The following CNTN3 variants were observed in gnomAD, a reference collection of about 807,000 sequenced individuals.
CNTN3 encodes contactin 3.
CNTN3 carries 60 observed loss-of-function variants against 119.1 expected under a neutral mutation model. The observed-to-expected ratio is 0.50, with a 90% CI of 0.41 to 0.62. The LOEUF (loss-of-function observed/expected upper bound fraction) is 0.62, where lower values mean the gene tolerates loss of function less well. Among genes scored for constraint, CNTN3 ranks in the 20% least tolerant of loss-of-function variants. The pLI is 0.00. For synonymous variants in CNTN3, 450 were observed against 438.7 expected, an observed-to-expected ratio of 1.03 and a Z score of -0.32; for missense variants, 1,101 against 1,242.4, an observed-to-expected ratio of 0.89 and a Z score of 1.71.
At chr3:74,280,538 T>C (rs1270205884) in intron 20 of CNTN3, among the ~76,000 whole-genome samples, 1 of 152,160 alleles carries the variant, frequency 6.6e-6, no homozygotes, top group Non-Finnish European at 1.5e-5. Flanking sequence ...CCTTTCCCAG[T>C]GTGACTGGCC....
At chr3:74,307,148 T>A (rs563955208) in intron 13 of CNTN3, among the ~76,000 whole-genome samples, 7 of 152,218 alleles carry the variant, frequency 4.6e-5, no homozygotes, top group Non-Finnish European at 5.9e-5. Flanking sequence ...TTTATTTGAG[T>A]AACTCAAGAA....
chr3:74,297,184 T>C (rs1449579080), intron 18 of CNTN3, among the ~76,000 whole-genome samples: 2 of 152,162 alleles, frequency 1.3e-5, no homozygotes, highest in East Asian at 1.9e-4. Flanking sequence ...TGGGAACCAC[T>C]ATACAACTTA....
intron 1 of CNTN3, among the ~76,000 whole-genome samples, chr3:74,587,406 C>A (rs914516772): frequency 5.9e-5 from 9 of 152,040 alleles, no homozygotes; most frequent in Non-Finnish European, 1.2e-4. Flanking sequence ...AACAACTGCA[C>A]AACTTATCAT....
intron 4 of CNTN3, among the ~76,000 whole-genome samples, chr3:74,467,778 G>T (rs1702491529): frequency 6.6e-6 from 1 of 152,098 alleles, no homozygotes; most frequent in African/African-American, 2.4e-5. Context: ...CTATAGACAA[G>T]AAATTGCTTT....
At chr3:74,291,105 T>C (rs1702222611) in intron 19 of CNTN3, among the ~76,000 whole-genome samples, 2 of 151,694 alleles carry the variant, frequency 1.3e-5, no homozygotes, top group African/African-American at 4.8e-5. Flanking sequence ...TGTGTCCAAG[T>C]GTTCTCGTCG....
intron 1 of CNTN3, among the ~76,000 whole-genome samples, chr3:74,550,271 A>G (rs1321858360): frequency 6.6e-6 from 1 of 152,228 alleles, no homozygotes; most frequent in Non-Finnish European, 1.5e-5. Flanking sequence ...AAGGAGCCCA[A>G]GGGAAGAATA....
At chr3:74,341,921 C>A (rs1024586434) in intron 11 of CNTN3, among the ~76,000 whole-genome samples, 1 of 152,066 alleles carries the variant, frequency 6.6e-6, no homozygotes, top group Admixed American at 6.6e-5. Flanking sequence ...TGAATTTTAA[C>A]AAACACACTG....
At chr3:74,303,090 C>G (rs1702491300) in intron 13 of CNTN3, among the ~76,000 whole-genome samples, 1 of 152,206 alleles carries the variant, frequency 6.6e-6, no homozygotes, top group Non-Finnish European at 1.5e-5. Context: ...ATTACAGTCT[C>G]AGAGTCTATT....
chr3:74,485,160 T>A (rs1702830015), intron 4 of CNTN3, among the ~76,000 whole-genome samples: 1 of 151,750 alleles, frequency 6.6e-6, no homozygotes, highest in Non-Finnish European at 1.5e-5. Context: ...CCTATATACA[T>A]TAAAATAACA....
chr3:74,381,597 T>C (rs1437337181), intron 5 of CNTN3, among the ~76,000 whole-genome samples: 1 of 152,200 alleles, frequency 6.6e-6, no homozygotes. Flanking sequence ...GTGTTTGTAC[T>C]ACCTCAGTAA....
At chr3:74,486,200 GCACACA>G (rs79617168) in intron 4 of CNTN3, among the ~76,000 whole-genome samples, 3 of 147,726 alleles carry the variant, frequency 2.0e-5, no homozygotes, top group African/African-American at 5.0e-5. Context: ...CTAAAATAGA[GCACACA>G]CACACACACA....
At chr3:74,339,668 T>G (rs929385369) in intron 11 of CNTN3, among the ~76,000 whole-genome samples, 1 of 152,074 alleles carries the variant, frequency 6.6e-6, no homozygotes, top group African/African-American at 2.4e-5. Context: ...CACCACTAAA[T>G]TTTTAGACCC....
rs867477774 is a variant in CNTN3, at chr3:74,319,317, G to T, written c.1668+15418C>A. Among the ~76,000 whole-genome samples the T allele has an allele frequency of 2.0e-5, 3 of 152,140 alleles. No homozygotes were observed. The East Asian group carries it at 5.8e-4, about 29-fold the overall frequency. ...AGCATGCTACTGGTACCAAAACAGA[G>T]ATATAGATCAATGGAATAGAACAGA... On this transcript the variant is annotated intron_variant, in intron 13 of 22. Coordinates refer to ENST00000263665, the MANE Select transcript of CNTN3 (RefSeq NM_020872.3).
At chr3:74,492,248 C>T (rs554177475) in intron 3 of CNTN3, among the ~76,000 whole-genome samples, 2 of 152,260 alleles carry the variant, frequency 1.3e-5, no homozygotes, top group Admixed American at 6.5e-5. Flanking sequence ...CTTTCATCCT[C>T]TTAAACTGGT....
At chr3:74,300,794 C>T (rs1702438757) in intron 16 of CNTN3, among the ~76,000 whole-genome samples, 2 of 152,226 alleles carry the variant, frequency 1.3e-5, no homozygotes, top group Non-Finnish European at 2.9e-5. Flanking sequence ...CTTTAGGTCT[C>T]AATTGTCCCT....
chr3:74,366,778 G>A (rs60878948), intron 8 of CNTN3, among the ~76,000 whole-genome samples: 513 of 40,718 alleles, frequency 0.013, 8 homozygotes, highest in African/African-American at 0.05. Flanking sequence ...GTGTGTGTGT[G>A]TGTATATATA....
At chr3:74,396,602 TG>T (rs1490281131) in intron 5 of CNTN3, among the ~76,000 whole-genome samples, 2 of 151,624 alleles carry the variant, frequency 1.3e-5, no homozygotes, top group African/African-American at 4.8e-5. Context: ...AAAAATTAAC[TG>T]GGCGTCATGG....
In CNTN3 at chr3:74,361,943, T is replaced by C. The variant is rs139447821; in HGVS notation, c.1311A>G (p.Pro437=). ...VSLDCKPRAS[P]RALSSWKKGD... ...CCTTCTTCCAGGAAGAGAGTGCCCT[T>C]GGGGAGGCTCTGGGTTTACAATCCA... Residue 437 remains proline (P), a synonymous_variant, in exon 11 of 23, where the codon CCA becomes CCG. Coordinates refer to ENST00000263665, the MANE Select transcript of CNTN3 (RefSeq NM_020872.3). 1.2e-6 allele frequency: 2 copies of C among 1,613,778 alleles called. No homozygotes were observed. The highest frequency in any genetic ancestry group is 1.7e-6 in the Non-Finnish European group (2 of 1,179,782).
chr3:74,458,702 C>A (rs1702312631), intron 4 of CNTN3, among the ~76,000 whole-genome samples: 1 of 151,960 alleles, frequency 6.6e-6, no homozygotes, highest in Non-Finnish European at 1.5e-5. Context: ...GGAGAGGTTT[C>A]ACTACAAAGG....
Sources: allele counts gnomAD v4.1 joint callset (sites outside exome capture counted in the v4.1 genomes callset), GRCh38; gene constraint gnomAD v4.1.1; transcripts MANE v1.5; gene names NCBI Gene and HGNC (gene_info 2026-07-23, HGNC 2026-07-21).